CYP7B1: variants seen among roughly 807,000 people sequenced by gnomAD.
CYP7B1 encodes cytochrome P450 7B1.
A neutral mutation model predicts 42.7 loss-of-function variants in CYP7B1; 29 were observed. The observed-to-expected ratio is 0.68, with a 90% CI of 0.51 to 0.93. CYP7B1 has a LOEUF of 0.93. Ranked by LOEUF, CYP7B1 falls within the 40% of genes least tolerant of loss-of-function variation. CYP7B1 has a pLI of 0.00. For synonymous variants in CYP7B1, 235 were observed against 218.2 expected (o/e 1.08, Z -0.68); for missense variants, 655 against 600.5 (o/e 1.09, Z -0.95).
At position 64,615,182 on chromosome 8, in the gene CYP7B1, T is replaced by C. The variant is rs1367394805; in HGVS notation, c.901A>G (p.Met301Val). The C allele has an allele frequency of 2.5e-6, 4 of 1,613,438 alleles. No homozygotes were observed. Among genetic ancestry groups the C allele is most frequent in the Admixed American group, 3.3e-5 (2 of 59,884 alleles). Residue 301 changes from methionine (M) to valine (V), a missense_variant, in exon 4 of 6, where the codon ATG becomes GTG. By Grantham distance (21) the Met-to-Val change is conservative. Coordinates refer to ENST00000310193, the MANE Select transcript of CYP7B1 (RefSeq NM_004820.5). ...WASVANTIPT[M>V]FWAMYYLLRH... Reference sequence around the variant, plus strand: ...AGAAGATAATACATTGCCCAGAACATAGTTGGAATAGTGTTTGCCACAGAG... The same window carrying C: ...AGAAGATAATACATTGCCCAGAACACAGTTGGAATAGTGTTTGCCACAGAG...
chr8:64,754,251 G>A (rs535352824), intron 1 of CYP7B1, among the ~76,000 whole-genome samples: 3 of 152,298 alleles, frequency 2.0e-5, no homozygotes, highest in African/African-American at 4.8e-5. Context: ...AGAGTGGTAC[G>A]CATGATATGA....
At chr8:64,697,975 T>C (rs1256142711) in intron 1 of CYP7B1, among the ~76,000 whole-genome samples, 4 of 152,212 alleles carry the variant, frequency 2.6e-5, no homozygotes, top group Non-Finnish European at 5.9e-5. Context: ...ACTTACTGAT[T>C]ACGACAATAC....
intron 1 of CYP7B1, among the ~76,000 whole-genome samples, chr8:64,763,041 G>A (rs924220908): frequency 1.3e-5 from 2 of 152,132 alleles, no homozygotes; most frequent in African/African-American, 2.4e-5. Flanking sequence ...CTCCTGCTCC[G>A]TGTTTGTTAT....
chr8:64,606,227 G>A (rs917260659), intron 4 of CYP7B1, among the ~76,000 whole-genome samples: 4 of 152,192 alleles, frequency 2.6e-5, no homozygotes, highest in Non-Finnish European at 2.9e-5. Context: ...GATGAGGCCA[G>A]AAAAGAACTT....
chr8:64,620,986 T>C (rs1009259510), intron 2 of CYP7B1, among the ~76,000 whole-genome samples: 3 of 152,220 alleles, frequency 2.0e-5, no homozygotes, highest in Non-Finnish European at 4.4e-5. Context: ...TTTTTGTACA[T>C]TGGTATTAAA....
chr8:64,747,604 G>C (rs573097759), intron 1 of CYP7B1, among the ~76,000 whole-genome samples: 2 of 151,838 alleles, frequency 1.3e-5, no homozygotes, highest in African/African-American at 4.8e-5. Flanking sequence ...TTTCAGGAGT[G>C]GCAGAAGTAG....
chr8:64,771,382 T>A (rs1201226540), intron 1 of CYP7B1, among the ~76,000 whole-genome samples: 1 of 152,140 alleles, frequency 6.6e-6, no homozygotes, highest in Non-Finnish European at 1.5e-5. Context: ...AAAATGTACA[T>A]GCTTTAATAA....
Position 64,624,474 on chromosome 8 carries a change from C to G in CYP7B1, c.188G>C (p.Arg63Pro). 1.9e-6 allele frequency: 3 copies of G among 1,612,796 alleles called. No individual in the cohort carries two copies. Among genetic ancestry groups the G allele is most frequent in the Non-Finnish European group, 2.5e-6 (3 of 1,179,792 alleles). The stretch of plus-strand genomic sequence containing the variant: ...TTTCATGAACCTTAAGGGGTCTTTT[C>G]GTAAGTTCAGGACCACTCCAAGATA... ...LPYLGVVLNLRKDPLRFMKTL... is the reference protein window; with the variant it reads ...LPYLGVVLNLPKDPLRFMKTL... The change falls in exon 2 of 6, where the codon CGA (arginine) becomes CCA (proline). Residue 63 changes from arginine to proline, a missense_variant. Coordinates refer to ENST00000310193, the MANE Select transcript of CYP7B1 (RefSeq NM_004820.5).
chr8:64,771,748 G>A (rs764876137), intron 1 of CYP7B1, among the ~76,000 whole-genome samples: 10 of 152,090 alleles, frequency 6.6e-5, no homozygotes, highest in Admixed American at 5.9e-4. Context: ...TCTCAACTGC[G>A]TTCTCCTTCT....
chr8:64,659,916 G>A (rs1003246106), intron 1 of CYP7B1, among the ~76,000 whole-genome samples: 3 of 152,166 alleles, frequency 2.0e-5, no homozygotes, highest in Non-Finnish European at 4.4e-5. Flanking sequence ...TAACATCTTT[G>A]AGTGTATGGG....
chr8:64,634,542 G>A (rs1344440917), intron 1 of CYP7B1, among the ~76,000 whole-genome samples: 1 of 149,984 alleles, frequency 6.7e-6, no homozygotes, highest in Non-Finnish European at 1.5e-5. Context: ...TTGCGCCACT[G>A]CACTCCAGCC....
intron 1 of CYP7B1, among the ~76,000 whole-genome samples, chr8:64,743,708 A>G (rs1807602777): frequency 6.6e-6 from 1 of 152,066 alleles, no homozygotes; most frequent in Admixed American, 6.6e-5. Context: ...TTTAACTTCA[A>G]TTACTTCTTT....
Position 64,596,800 on chromosome 8 carries a change from C to CA in CYP7B1, c.1362dup (p.Ala455CysfsTer17), listed in dbSNP as rs1207855268. ...AACAATTGTTTTATTTCCATAAGTG[C>CA]AAAAAATCGGCCTGGACATTTGCTG... On this transcript the variant is annotated frameshift_variant, in exon 6 of 6. Transcript: ENST00000310193. LOFTEE classifies it low-confidence loss of function (END_TRUNC). 1.9e-6 allele frequency: 3 copies of CA among 1,613,984 alleles called. No homozygotes were observed. The highest frequency in any genetic ancestry group is 1.3e-5 in the African/African-American group (1 of 75,018).
At chr8:64,617,372 T>C (rs1301311827) in intron 2 of CYP7B1, among the ~76,000 whole-genome samples, 1 of 152,102 alleles carries the variant, frequency 6.6e-6, no homozygotes, top group Non-Finnish European at 1.5e-5. Flanking sequence ...CCTTGGAGAA[T>C]TGCTTGTTTA....
chr8:64,746,173 T>A (rs1375423571), intron 1 of CYP7B1, among the ~76,000 whole-genome samples: 1 of 152,176 alleles, frequency 6.6e-6, no homozygotes, highest in Non-Finnish European at 1.5e-5. Flanking sequence ...GCCAGGTCTT[T>A]TGTTAAAACT....
chr8:64,716,568 G>A (rs769641740), intron 1 of CYP7B1, among the ~76,000 whole-genome samples: 15 of 151,978 alleles, frequency 9.9e-5, no homozygotes, highest in Non-Finnish European at 2.1e-4. Flanking sequence ...TTAGCCAGGC[G>A]TGGTGGTAGG....
intron 1 of CYP7B1, among the ~76,000 whole-genome samples, chr8:64,764,416 G>A (rs1055210898): frequency 6.6e-6 from 1 of 151,998 alleles, no homozygotes; most frequent in East Asian, 1.9e-4. Flanking sequence ...GGAAAGAGAG[G>A]CAGAGAGAAA....
chr8:64,694,441 C>T (rs1302191134), intron 1 of CYP7B1, among the ~76,000 whole-genome samples: 1 of 152,146 alleles, frequency 6.6e-6, no homozygotes, highest in Non-Finnish European at 1.5e-5. Flanking sequence ...CAGGGGAATT[C>T]TGCTAAAGTT....
At chr8:64,658,847 A>G (rs1158383998) in intron 1 of CYP7B1, among the ~76,000 whole-genome samples, 1 of 152,142 alleles carries the variant, frequency 6.6e-6, no homozygotes, top group Non-Finnish European at 1.5e-5. Flanking sequence ...CTGTACTTTA[A>G]TCTTTCTTCG....
Sources: gnomAD v4.1 joint callset for allele counts (sites outside exome capture counted in the v4.1 genomes callset) on GRCh38, gnomAD v4.1.1 for gene constraint, MANE v1.5 for transcripts, NCBI Gene and HGNC (gene_info 2026-07-23, HGNC 2026-07-21) for gene names.